The following LIMK2 variants were observed in gnomAD, a reference collection of about 807,000 sequenced individuals.
LIMK2 encodes the protein LIM domain kinase 2.
Under a neutral mutation model 75.7 loss-of-function variants are expected in LIMK2, and 35 were observed. The ratio of observed to expected loss-of-function variants is 0.46; its 90% confidence interval spans 0.35 to 0.61. LIMK2 has a LOEUF of 0.61. Ranked by LOEUF, LIMK2 falls within the 20% of genes least tolerant of loss-of-function variation. The pLI is 0.00. For synonymous variants in LIMK2, 301 were observed against 319.2 expected (o/e 0.94, Z 0.61); for missense variants, 623 against 831.0 (o/e 0.75, Z 3.08).
intron 11 of LIMK2, among the ~76,000 whole-genome samples, chr22:31,270,621 G>C (rs567221637): frequency 2.6e-5 from 4 of 152,326 alleles, no homozygotes; most frequent in South Asian, 2.1e-4. Flanking sequence ...TGGTAGGAAG[G>C]GGGAGAGCTT....
In LIMK2 at chr22:31,220,985, T is replaced by C. The variant is rs150795316; in HGVS notation, c.17-4735T>C. Among the ~76,000 whole-genome samples, 721 of 152,210 alleles carry C rather than the reference T, an allele frequency of 4.7e-3. 4 individuals are homozygous for C. The highest frequency in any genetic ancestry group is 0.016 in the African/African-American group (683 of 41,514). ...GTTTCAAAAAAAAAAATTTTTTTTT[T>C]GATTAAGGGAAAAGATAGAGAAGCT... On this transcript the variant is annotated intron_variant, in intron 1 of 15. Transcript: ENST00000331728.
Position 31,267,770 on chromosome 22 carries a change from C to G in LIMK2, c.1129-6C>G, listed in dbSNP as rs1287165885. On this transcript the variant is annotated splice_polypyrimidine_tract_variant and splice_region_variant and intron_variant, in intron 9 of 15. Transcript: ENST00000331728. ...ACCAGCTTTCCTTGGCTTCCCCCAC[C>G]CCCAGGTGAAAGTGATGCGCAGCCT... The G allele has an allele frequency of 1.9e-6, 3 of 1,583,860 alleles. No individual in the cohort carries two copies. Among genetic ancestry groups the G allele is most frequent in the Non-Finnish European group, 2.6e-6 (3 of 1,168,624 alleles).
At chr22:31,266,611 A>T (rs961836456) in intron 8 of LIMK2, among the ~76,000 whole-genome samples, 1 of 152,006 alleles carries the variant, frequency 6.6e-6, no homozygotes, top group African/African-American at 2.4e-5. Flanking sequence ...CGATCCACCC[A>T]GCTCCCTGGT....
At chr22:31,265,013 G>A (rs1019201541) in intron 7 of LIMK2, among the ~76,000 whole-genome samples, 9 of 151,910 alleles carry the variant, frequency 5.9e-5, no homozygotes, top group African/African-American at 2.2e-4. Context: ...CCAACATGGT[G>A]AAACCCCATC....
intron 14 of LIMK2, among the ~76,000 whole-genome samples, chr22:31,273,857 C>A (rs1389640555): frequency 6.6e-6 from 1 of 152,044 alleles, no homozygotes; most frequent in Non-Finnish European, 1.5e-5. Flanking sequence ...ACCACCATGC[C>A]CGGCTAATTT....
At chr22:31,239,630 CTCT>C (rs1182117279) in intron 2 of LIMK2, among the ~76,000 whole-genome samples, 1 of 152,210 alleles carries the variant, frequency 6.6e-6, no homozygotes, top group African/African-American at 2.4e-5. Flanking sequence ...CTTTGTTATT[CTCT>C]TCGTTATTCT....
intron 2 of LIMK2, among the ~76,000 whole-genome samples, chr22:31,247,977 T>G (rs563795205): frequency 4.0e-4 from 61 of 151,078 alleles, no homozygotes; most frequent in African/African-American, 1.1e-3. Flanking sequence ...CTAGGATGGC[T>G]CTCTGGACCT....
At chr22:31,265,907 G>A (rs762347109) in intron 7 of LIMK2, 39 bp from the exon 8 acceptor site, 14 of 1,590,176 alleles carry the variant, frequency 8.8e-6, no homozygotes, top group Non-Finnish European at 1.2e-5. Context: ...CGGTCTCTGA[G>A]GACTACACAT....
At chr22:31,272,824 AG>A (rs1466736016) in intron 13 of LIMK2, 120 bp downstream of exon 13, 9 of 1,426,034 alleles carry the variant, frequency 6.3e-6, no homozygotes, top group Non-Finnish European at 8.3e-6. Context: ...CCCAGAGCTG[AG>A]GATATTTTTC....
At chr22:31,272,736 CAGAGGGAGGACAGATGCTGCCCT>C in intron 13 of LIMK2, 32 bp downstream of exon 13, 1 of 1,552,036 alleles carries the variant, frequency 6.4e-7, no homozygotes, top group Non-Finnish European at 8.7e-7. Flanking sequence ...GGGACACCCG[CAGAGGGAGGACAGATGCTGCCCT>C]TGCATCAGAG....
In LIMK2 at chr22:31,242,922, TTTTA is replaced by T. The variant is rs963349561; in HGVS notation, c.117-15354_117-15351del. On this transcript the variant is annotated intron_variant, in intron 2 of 15. Coordinates refer to ENST00000331728, the MANE Select transcript of LIMK2 (RefSeq NM_005569.4). ...TGTGAAGCTGGGAATTGCTGGGACA[TTTTA>T]TTTATTTATTTATTGAGACGGAGTC... 8.5e-5 allele frequency among the ~76,000 whole-genome samples: 13 copies of T among 152,240 alleles called. No individual in the cohort carries two copies. In the East Asian group the frequency reaches 1.9e-3, roughly 23 times the overall value.
intron 1 of LIMK2, among the ~76,000 whole-genome samples, chr22:31,220,872 G>T (rs1045489055): frequency 6.6e-6 from 1 of 152,348 alleles, no homozygotes; most frequent in East Asian, 1.9e-4. Flanking sequence ...GCTGAGGCAG[G>T]AGAATCACTT....
At chr22:31,220,416 C>T (rs1274057803) in intron 1 of LIMK2, among the ~76,000 whole-genome samples, 1 of 152,086 alleles carries the variant, frequency 6.6e-6, no homozygotes, top group Non-Finnish European at 1.5e-5. Context: ...CAGTTGGGTT[C>T]ACCACACAAA....
chr22:31,278,193 C>G, intron 15 of LIMK2, 104 bp from the exon 16 acceptor site: 1 of 1,004,960 alleles, frequency 1.0e-6, no homozygotes, highest in Non-Finnish European at 1.5e-6. Flanking sequence ...AGGAGTTTGC[C>G]TGACGTTATA....
At chr22:31,237,596 C>T (rs1427962506) in intron 2 of LIMK2, among the ~76,000 whole-genome samples, 2 of 151,604 alleles carry the variant, frequency 1.3e-5, no homozygotes, top group Non-Finnish European at 2.9e-5. Context: ...AAACTTACTA[C>T]CTACCTCCTT....
intron 2 of LIMK2, among the ~76,000 whole-genome samples, chr22:31,252,467 G>C (rs1425736136): frequency 6.6e-6 from 1 of 151,890 alleles, no homozygotes; most frequent in Non-Finnish European, 1.5e-5. Flanking sequence ...TCTTGAGCCT[G>C]GGAGGTCAGA....
chr22:31,269,801 T>C (rs11703847), intron 11 of LIMK2, among the ~76,000 whole-genome samples: 20,532 of 149,844 alleles, frequency 0.14, 2,189 homozygotes, highest in African/African-American at 0.29. Flanking sequence ...GAGACTGATA[T>C]GGTTAGTACA....
At chr22:31,225,675 C>A (rs1031609903) in intron 1 of LIMK2, 45 bp from the exon 2 acceptor site, 2 of 1,438,244 alleles carry the variant, frequency 1.4e-6, no homozygotes, top group African/African-American at 1.4e-5. Flanking sequence ...TGTCCCTTTG[C>A]CTCCTGCTAC....
chr22:31,237,567 AAAG>A (rs903731373), intron 2 of LIMK2, among the ~76,000 whole-genome samples: 15 of 151,890 alleles, frequency 9.9e-5, no homozygotes, highest in African/African-American at 3.1e-4. Flanking sequence ...AAAAAAAAAA[AAAG>A]AAGAAATGGA....
Sources: gnomAD v4.1 joint callset for allele counts (sites outside exome capture counted in the v4.1 genomes callset) on GRCh38, gnomAD v4.1.1 for gene constraint, MANE v1.5 for transcripts, NCBI Gene and HGNC (gene_info 2026-07-23, HGNC 2026-07-21) for gene names.